The following FTSJ3 variants were observed in gnomAD, a reference collection of about 807,000 sequenced individuals.
The protein encoded by FTSJ3 is FtsJ RNA 2'-O-methyltransferase 3, also known as pre-rRNA 2'-O-ribose RNA methyltransferase FTSJ3.
Under a neutral mutation model 111.5 loss-of-function variants are expected in FTSJ3, and 46 were observed. The observed-to-expected ratio is 0.41, with a 90% CI of 0.33 to 0.53. The LOEUF is 0.53. Among genes scored for constraint, FTSJ3 ranks in the 20% least tolerant of loss-of-function variants. The pLI is 0.19. For synonymous variants in FTSJ3, 408 were observed against 383.0 expected (o/e 1.07, Z -0.76); for missense variants, 1,075 against 1,063.8 (o/e 1.01, Z -0.15).
Position 63,827,242 on chromosome 17 carries a change from A to G in FTSJ3, c.-217T>C. On this transcript the variant is annotated 5_prime_UTR_variant, in exon 1 of 21. Coordinates refer to ENST00000427159, the MANE Select transcript of FTSJ3 (RefSeq NM_017647.4). ...AGTTGAGACTAGGAAGGCATATCAC[A>G]AGAACTATAAACAGAGTTTCAATGA... 1.6e-6 allele frequency: 1 copy of G among 609,878 alleles called. No individual in the cohort carries two copies. The highest frequency in any genetic ancestry group is 2.9e-6 in the Non-Finnish European group (1 of 345,352). The allele number at this position is 609,878 out of a possible 1,614,324, so 37.8% of individuals were successfully genotyped here. A position where few individuals can be genotyped will look rare whatever the true frequency, so the allele number is the denominator to read the frequency against.
Position 63,824,647 on chromosome 17 carries a change from T to C in FTSJ3, c.907A>G (p.Lys303Glu), listed in dbSNP as rs777970497. The C allele has an allele frequency of 6.2e-7, 1 of 1,613,906 alleles. No homozygotes were observed. Among genetic ancestry groups the C allele is most frequent in the South Asian group, 1.1e-5 (1 of 91,072 alleles). ...CCQDIRVLGR[K>E]ELRSLLNWRT... ...TACCCCACTCCATACCTGAGCTCCTTGCGCCCCAACACTCTGATGTCCTGA... is the reference window on the plus strand; with the variant it reads ...TACCCCACTCCATACCTGAGCTCCTCGCGCCCCAACACTCTGATGTCCTGA... Residue 303 changes from lysine to glutamate, a missense_variant, in exon 10 of 21, where the codon AAG becomes GAG. By Grantham distance (56) the Lys-to-Glu change is moderately conservative (BLOSUM62 1). Transcript: ENST00000427159.
Position 63,826,268 on chromosome 17 carries a change from G to A in FTSJ3, c.210C>T (p.Ser70=), listed in dbSNP as rs2040102420. ...CTGTCCGTTACTCACCCACAATAAG[G>A]CTGGATACAGGCATAAACTTGGCAG... ...QVAAKFMPVS[S]LIVGVDLVPI... is the part of the protein sequence containing the mutation. The change falls in exon 4 of 21, where the codon AGC becomes AGT. Residue 70 remains serine (S), a synonymous_variant. Transcript: ENST00000427159. 1 of 1,614,056 alleles carries A rather than the reference G, an allele frequency of 6.2e-7. No individual in the cohort carries two copies. The highest frequency in any genetic ancestry group is 8.5e-7 in the Non-Finnish European group (1 of 1,179,954).
rs770503135 is a variant in FTSJ3, at chr17:63,826,134, T to C, written c.222A>G (p.Gly74=). 6.2e-7 allele frequency: 1 copy of C among 1,613,948 alleles called. No homozygotes were observed. The highest frequency in any genetic ancestry group is 8.5e-7 in the Non-Finnish European group (1 of 1,179,838). The change falls in exon 5 of 21, where the codon GGA becomes GGG. Residue 74 remains glycine, a splice_region_variant and synonymous_variant. Coordinates refer to ENST00000427159, the MANE Select transcript of FTSJ3 (RefSeq NM_017647.4). ...GAGGCTTGATTGGAACCAGGTCCAC[T>C]CCTGGAAGAAATCAGGTCAGAGTAT... ...KFMPVSSLIV[G]VDLVPIKPLP... is the part of the protein sequence containing the mutation.
intron 13 of FTSJ3, among the ~76,000 whole-genome samples, chr17:63,823,223 T>C (rs1303016530): frequency 6.6e-6 from 1 of 152,244 alleles, no homozygotes; most frequent in Non-Finnish European, 1.5e-5. Flanking sequence ...GATCCTCTAT[T>C]CATCTGTGCT....
chr17:63,827,533 C>T lies in FTSJ3; in HGVS notation c.-508G>A. ...AGAGCAGGTATGGCGGGTGCAGTGG[C>T]GGCCCGGCAGGTTACGGGGCTGGGT... is the stretch of plus-strand genomic sequence containing the variant. On this transcript the variant is annotated 5_prime_UTR_variant, in exon 1 of 21. Coordinates refer to ENST00000427159, the MANE Select transcript of FTSJ3 (RefSeq NM_017647.4). 1 of 1,550,470 alleles carries T rather than the reference C, an allele frequency of 6.4e-7. No individual in the cohort carries two copies. The highest frequency in any genetic ancestry group is 8.7e-7 in the Non-Finnish European group (1 of 1,146,726).
At chr17:63,826,428 T>A in intron 3 of FTSJ3, 124 bp from the exon 4 acceptor site, 1 of 1,190,056 alleles carries the variant, frequency 8.4e-7, no homozygotes, top group Non-Finnish European at 1.3e-6. Flanking sequence ...TTCCAAGCCC[T>A]TTCTCTGCAA....
At position 63,827,456 on chromosome 17, in the gene FTSJ3, G is replaced by C. The variant is rs1198562039; in HGVS notation, c.-431C>G. 2.6e-6 allele frequency: 4 copies of C among 1,551,630 alleles called. No individual in the cohort carries two copies. Among genetic ancestry groups the C allele is most frequent in the East Asian group, 2.4e-5 (1 of 40,928 alleles). ...GCTTCCGCGCTTGCGCGCCAAGACGGCTCGGATGCCGGCGGTCTCTGCTGA... is the reference window on the plus strand; with the variant it reads ...GCTTCCGCGCTTGCGCGCCAAGACGCCTCGGATGCCGGCGGTCTCTGCTGA... On this transcript the variant is annotated 5_prime_UTR_variant, in exon 1 of 21. Coordinates refer to ENST00000427159, the MANE Select transcript of FTSJ3 (RefSeq NM_017647.4).
chr17:63,819,776 C>A lies in FTSJ3; in HGVS notation c.*26G>T. The A allele has an allele frequency of 6.3e-7, 1 of 1,592,992 alleles. No individual in the cohort carries two copies. The highest frequency in any genetic ancestry group is 8.6e-7 in the Non-Finnish European group (1 of 1,168,312). ...CACACCCTTCCTCCTAGTCCCCATG[C>A]TCTCCTGGGAGCCTGGCAGCTCTGC... On this transcript the variant is annotated 3_prime_UTR_variant, in exon 21 of 21. Transcript: ENST00000427159.
chr17:63,826,034 G>A (rs2040098164), intron 5 of FTSJ3, 22 bp downstream of exon 5: 1 of 1,566,276 alleles, frequency 6.4e-7, no homozygotes. Flanking sequence ...AAAGGGGGAA[G>A]GAAGAGAGAG....
Position 63,820,356 on chromosome 17 carries a change from C to T in FTSJ3, c.2155G>A (p.Val719Ile). The change falls in exon 19 of 21, where the codon GTT becomes ATT. Residue 719 changes from valine (V) to isoleucine (I), a missense_variant. This residue lies in a region of FTSJ3 where 867 missense variants were observed against 796.9 expected (regional missense o/e 1.09). Coordinates refer to ENST00000427159, the MANE Select transcript of FTSJ3 (RefSeq NM_017647.4). ...TAATGCTCCACCTCCTTCTTACCAA[C>T]AGGCAACTGTCGTATCCGGTGCTGC... ...EKQHRIRQLP[V>I]GKKEVEHYRK... 1 of 1,614,192 alleles carries T rather than the reference C, an allele frequency of 6.2e-7. No homozygotes were observed. Among genetic ancestry groups the T allele is most frequent in the East Asian group, 2.2e-5 (1 of 44,880 alleles).
intron 13 of FTSJ3, 122 bp downstream of exon 13, chr17:63,823,695 G>A: frequency 1.8e-6 from 2 of 1,098,000 alleles, no homozygotes; most frequent in East Asian, 2.4e-5. Flanking sequence ...GGCACCCTGT[G>A]GTGAAGACAG....
chr17:63,823,361 C>G (rs374261236), intron 13 of FTSJ3, among the ~76,000 whole-genome samples: 1 of 152,112 alleles, frequency 6.6e-6, no homozygotes, highest in Non-Finnish European at 1.5e-5. Flanking sequence ...TTTGGGAGGC[C>G]GAGGTGGGCA....
chr17:63,824,459 C>CCG, intron 10 of FTSJ3, 48 bp from the exon 11 acceptor site: 1 of 1,595,942 alleles, frequency 6.3e-7, no homozygotes, highest in African/African-American at 1.3e-5. Context: ...CTCTTTGTCC[C>CCG]CGCCCCCTTC....
intron 8 of FTSJ3, 27 bp downstream of exon 8, chr17:63,825,021 A>C: frequency 6.2e-7 from 1 of 1,606,548 alleles, no homozygotes; most frequent in Non-Finnish European, 8.5e-7. Flanking sequence ...CCAGGACCCA[A>C]GAGTGACCCC....
rs778434607 is a variant in FTSJ3, at chr17:63,821,800, C to T, written c.1519G>A (p.Glu507Lys). The T allele has an allele frequency of 1.3e-4, 203 of 1,613,938 alleles. No individual in the cohort carries two copies. Among genetic ancestry groups the T allele is most frequent in the Non-Finnish European group, 1.6e-4 (185 of 1,179,976 alleles). The change falls in exon 15 of 21, where the codon GAG becomes AAG. Residue 507 changes from glutamate (E) to lysine (K), a missense_variant. By Grantham distance (56) the Glu-to-Lys change is moderately conservative (BLOSUM62 1). Transcript: ENST00000427159. ...EVQDDKEEEE[E>K]ENPLLVPLEE... ...AGTGGTACCAGCAGTGGATTCTCCT[C>T]CTCCTCCTCCTCTTTATCATCTTGC...
rs764850165 is a variant in FTSJ3, at chr17:63,824,244, CA to C, written c.999-6del. ...TCTTCCTCTCCAGAGCTGAGGCTGG[CA>C]AAACAGTCCCAAGAGTTGGGTTATT... On this transcript the variant is annotated splice_polypyrimidine_tract_variant and splice_region_variant and intron_variant, in intron 11 of 20. Coordinates refer to ENST00000427159, the MANE Select transcript of FTSJ3 (RefSeq NM_017647.4). The C allele has an allele frequency of 1.2e-6, 2 of 1,614,078 alleles. No individual in the cohort carries two copies. Among genetic ancestry groups the C allele is most frequent in the Non-Finnish European group, 1.7e-6 (2 of 1,180,040 alleles).
intron 18 of FTSJ3, 85 bp downstream of exon 18, chr17:63,820,754 A>T: frequency 2.1e-6 from 2 of 935,724 alleles, no homozygotes; most frequent in South Asian, 1.4e-5. Flanking sequence ...TGGGCAACAG[A>T]GCGAGACTCC....
In FTSJ3 at chr17:63,827,334, G is replaced by A; in HGVS notation, c.-309C>T. On this transcript the variant is annotated 5_prime_UTR_variant, in exon 1 of 21. Coordinates refer to ENST00000427159, the MANE Select transcript of FTSJ3 (RefSeq NM_017647.4). ...CCAAAGCCCCTGAACTCGAGTAGCC[G>A]CCCCTCCCATCATGGTTCCCTTAGT... The A allele has an allele frequency of 1.1e-6, 1 of 950,120 alleles. No homozygotes were observed. The allele number at this position is 950,120 out of a possible 1,614,324, so 58.9% of individuals were successfully genotyped here. A position where few individuals can be genotyped will look rare whatever the true frequency, so the allele number is the denominator to read the frequency against.
rs142875570 is a variant in FTSJ3, at chr17:63,821,564, C to T, written c.1676G>A (p.Arg559Gln). 14 of 1,613,972 alleles carry T rather than the reference C, an allele frequency of 8.7e-6. No individual in the cohort carries two copies. The highest frequency in any genetic ancestry group is 8.3e-5 in the Admixed American group (5 of 60,010). ...CTTCTGCTGCTGCTGCCGTCCCTTCCGCCGGTTCTCAAATAACAGCTGGGC... is the reference window on the plus strand; with the variant it reads ...CTTCTGCTGCTGCTGCCGTCCCTTCTGCCGGTTCTCAAATAACAGCTGGGC... Reference protein sequence around the residue: ...SQAQLLFENRRKGRQQQQKQQ... With the variant: ...SQAQLLFENRQKGRQQQQKQQ... The change falls in exon 16 of 21, where the codon CGG (arginine) becomes CAG (glutamine). Residue 559 changes from arginine to glutamine, a missense_variant. This residue lies in a region of FTSJ3 where 867 missense variants were observed against 796.9 expected (regional missense o/e 1.09). Transcript: ENST00000427159.
Sources: gnomAD v4.1 joint callset for allele counts (sites outside exome capture counted in the v4.1 genomes callset) on GRCh38, gnomAD v4.1.1 for gene constraint, gnomAD v4.1.1 regional missense constraint, MANE v1.5 for transcripts, NCBI Gene and HGNC (gene_info 2026-07-23, HGNC 2026-07-21) for gene names.